Variants in MBNL1 observed in about 807,000 individuals in gnomAD.
The protein encoded by MBNL1 is muscleblind like splicing regulator 1.
A neutral mutation model predicts 42.2 loss-of-function variants in MBNL1; 8 were observed. That is an observed-to-expected ratio of 0.19 (90% CI 0.11 to 0.34). The LOEUF (loss-of-function observed/expected upper bound fraction) is 0.34, where lower values mean the gene tolerates loss of function less well. Ranked by LOEUF, MBNL1 falls within the 10% of genes least tolerant of loss-of-function variation. The pLI, the probability that MBNL1 is intolerant of heterozygous loss-of-function variation, is 1.00. For missense variants in MBNL1, 309 were observed against 495.3 expected (o/e 0.62, Z 3.57); for synonymous variants, 169 against 173.9 (o/e 0.97, Z 0.22).
intron 4 of MBNL1, among the ~76,000 whole-genome samples, chr3:152,435,359 G>A (rs925725801): frequency 4.6e-5 from 7 of 152,092 alleles, no homozygotes; most frequent in Non-Finnish European, 7.4e-5. Flanking sequence ...TAAGTGTGCT[G>A]CATTATTTCT....
chr3:152,328,275 C>T (rs575611591), intron 2 of MBNL1, among the ~76,000 whole-genome samples: 1 of 152,160 alleles, frequency 6.6e-6, no homozygotes, highest in African/African-American at 2.4e-5. Context: ...TCCAAAGGAT[C>T]CTGTGACTGA....
At chr3:152,244,636 G>C (rs1286496670) in intron 2 of MBNL1, among the ~76,000 whole-genome samples, 1 of 151,882 alleles carries the variant, frequency 6.6e-6, no homozygotes, top group East Asian at 1.9e-4. Flanking sequence ...TTAAAAACCT[G>C]GAAAAATTTA....
chr3:152,269,709 C>G (rs1017003152), intron 1 of MBNL1: 2 of 237,042 alleles, frequency 8.4e-6, no homozygotes, highest in Non-Finnish European at 1.7e-5. Context: ...AGAGGGCTGC[C>G]TCCTCCTTTT....
intron 3 of MBNL1, among the ~76,000 whole-genome samples, chr3:152,422,658 C>G (rs1560532756): frequency 6.6e-6 from 1 of 152,204 alleles, no homozygotes; most frequent in East Asian, 1.9e-4. Context: ...TTCTTCTTAG[C>G]ACCACATAGC....
chr3:152,324,820 A>C (rs1361546075), intron 2 of MBNL1, among the ~76,000 whole-genome samples: 1 of 152,074 alleles, frequency 6.6e-6, no homozygotes, highest in East Asian at 1.9e-4. Flanking sequence ...AATAGCACGT[A>C]CCTTGGGATT....
intron 2 of MBNL1, among the ~76,000 whole-genome samples, chr3:152,379,833 G>A (rs878896464): frequency 6.6e-6 from 1 of 151,906 alleles, no homozygotes; most frequent in African/African-American, 2.4e-5. Context: ...AAGCTTTTCC[G>A]CCTCTGCTCC....
At chr3:152,326,009 TA>T (rs1320939059) in intron 2 of MBNL1, among the ~76,000 whole-genome samples, 1 of 152,180 alleles carries the variant, frequency 6.6e-6, no homozygotes, top group East Asian at 1.9e-4. Flanking sequence ...TGTAGCATGT[TA>T]AAAGAAGTCT....
At chr3:152,424,488 G>T (rs1169238692) in intron 3 of MBNL1, among the ~76,000 whole-genome samples, 1 of 151,696 alleles carries the variant, frequency 6.6e-6, no homozygotes. Flanking sequence ...CGTGAAAATG[G>T]CCATACTGTC....
intron 4 of MBNL1, among the ~76,000 whole-genome samples, chr3:152,436,644 C>A (rs966385728): frequency 2.6e-5 from 4 of 152,144 alleles, no homozygotes; most frequent in African/African-American, 7.2e-5. Flanking sequence ...AGATGATATT[C>A]AAAAAGCTGG....
At chr3:152,293,924 A>G (rs1010968149) in intron 1 of MBNL1, among the ~76,000 whole-genome samples, 23 of 152,074 alleles carry the variant, frequency 1.5e-4, no homozygotes, top group Admixed American at 9.2e-4. Context: ...AGCAGTAGGT[A>G]TGTGACTCTT....
At chr3:152,396,202 G>A in intron 2 of MBNL1, 1 of 360,042 alleles carries the variant, frequency 2.8e-6, no homozygotes, top group South Asian at 2.1e-5. Flanking sequence ...CAAGCTCAGG[G>A]CTCCCACTGA....
chr3:152,410,601 A>G (rs1307873371), intron 2 of MBNL1, among the ~76,000 whole-genome samples: 2 of 152,242 alleles, frequency 1.3e-5, no homozygotes, highest in African/African-American at 2.4e-5. Context: ...TAAGGGATCT[A>G]TTAGGCTGGG....
At chr3:152,452,521 G>T (rs888160391) in intron 6 of MBNL1, among the ~76,000 whole-genome samples, 1 of 152,218 alleles carries the variant, frequency 6.6e-6, no homozygotes, top group South Asian at 2.1e-4. Context: ...CATTGTCTAT[G>T]CTTGCAAGAG....
At chr3:152,306,846 C>A (rs1451162000) in intron 2 of MBNL1, among the ~76,000 whole-genome samples, 1 of 152,154 alleles carries the variant, frequency 6.6e-6, no homozygotes, top group Admixed American at 6.5e-5. Flanking sequence ...TGAAGAGAAA[C>A]TGAAGTCTTC....
intron 2 of MBNL1, among the ~76,000 whole-genome samples, chr3:152,342,516 T>G (rs1171573650): frequency 6.6e-6 from 1 of 150,568 alleles, no homozygotes; most frequent in African/African-American, 2.5e-5. Context: ...TGAGTCAGAA[T>G]TCAGGCCCAA....
chr3:152,389,084 G>A (rs2097564940), intron 2 of MBNL1, among the ~76,000 whole-genome samples: 1 of 151,966 alleles, frequency 6.6e-6, no homozygotes, highest in Non-Finnish European at 1.5e-5. Flanking sequence ...TTTTTATACA[G>A]TCATGCATCT....
At chr3:152,425,173 A>G (rs1387932095) in intron 3 of MBNL1, among the ~76,000 whole-genome samples, 2 of 152,176 alleles carry the variant, frequency 1.3e-5, no homozygotes, top group East Asian at 1.9e-4. Flanking sequence ...ACCAAGGGCT[A>G]ATATCCAGAA....
chr3:152,430,820 G>A (rs1481161810), intron 3 of MBNL1, among the ~76,000 whole-genome samples: 1 of 152,174 alleles, frequency 6.6e-6, no homozygotes, highest in African/African-American at 2.4e-5. Context: ...TTGTCTGCAG[G>A]TTGCTGCTTT....
At chr3:152,434,948 T>A (rs2099058430) in intron 4 of MBNL1, among the ~76,000 whole-genome samples, 1 of 152,222 alleles carries the variant, frequency 6.6e-6, no homozygotes, top group African/African-American at 2.4e-5. Context: ...ATTAGACCTT[T>A]GTGGGATGCA....
Sources: gnomAD v4.1 joint callset for allele counts (sites outside exome capture counted in the v4.1 genomes callset) on GRCh38, gnomAD v4.1.1 for gene constraint, MANE v1.5 for transcripts, NCBI Gene and HGNC (gene_info 2026-07-23, HGNC 2026-07-21) for gene names.